FANCC: variants seen among roughly 807,000 people sequenced by gnomAD.
FANCC encodes the protein Fanconi anemia group C protein.
A neutral mutation model predicts 71.3 loss-of-function variants in FANCC; 55 were observed. The observed-to-expected ratio is 0.77, with a 90% confidence interval of 0.62 to 0.97. The LOEUF (loss-of-function observed/expected upper bound fraction) is 0.97, where lower values mean the gene tolerates loss of function less well. FANCC is among the 50% of genes least tolerant of loss of function. The pLI, the probability that FANCC is intolerant of heterozygous loss-of-function variation, is 0.00. For synonymous variants in FANCC, 275 were observed against 244.9 expected (o/e 1.12, Z -1.15); for missense variants, 678 against 670.9 (o/e 1.01, Z -0.12).
At chr9:95,310,369 G>GAA (rs1037310066) in intron 1 of FANCC, among the ~76,000 whole-genome samples, 1 of 126,596 alleles carries the variant, frequency 7.9e-6, no homozygotes, top group African/African-American at 2.9e-5. Flanking sequence ...TTTCAAAAGA[G>GAA]AAAAAAAAAA....
intron 4 of FANCC, among the ~76,000 whole-genome samples, chr9:95,194,734 G>T (rs370081373): frequency 5.2e-4 from 79 of 151,956 alleles, no homozygotes; most frequent in Non-Finnish European, 8.5e-4. Flanking sequence ...GAGATTTCTT[G>T]ATTATCTAGA....
intron 10 of FANCC, among the ~76,000 whole-genome samples, chr9:95,124,174 G>A (rs4647519): frequency 0.042 from 6,313 of 151,486 alleles, 199 homozygotes; most frequent in Non-Finnish European, 0.054. Flanking sequence ...TGACGTTGGC[G>A]GGGGGTGTGA....
At chr9:95,176,462 A>C (rs1032004858) in intron 4 of FANCC, among the ~76,000 whole-genome samples, 9 of 152,216 alleles carry the variant, frequency 5.9e-5, no homozygotes, top group Admixed American at 2.0e-4. Context: ...GGCCATCAGG[A>C]CTTCAGTATG....
In FANCC at chr9:95,114,688, G is replaced by A. The variant is rs1057521687; in HGVS notation, c.1095C>T (p.Leu365=). The A allele has an allele frequency of 6.2e-7, 1 of 1,614,150 alleles. No homozygotes were observed. Among genetic ancestry groups the A allele is most frequent in the Non-Finnish European group, 8.5e-7 (1 of 1,179,966 alleles). ...GTTCAGAAATATGCTTCAGTGTCTG[G>A]AGCCAGTGTCCCCGAGGGATATCTG... The part of the protein sequence containing the change: ...DPQDIPRGHW[L]QTLKHISELL... Residue 365 remains leucine (L), a synonymous_variant, in exon 12 of 15, where the codon CTC becomes CTT. Transcript: ENST00000289081.
intron 6 of FANCC, among the ~76,000 whole-genome samples, chr9:95,168,319 T>C (rs1450626239): frequency 6.6e-6 from 1 of 152,190 alleles, no homozygotes; most frequent in Non-Finnish European, 1.5e-5. Context: ...CCCAATTCTG[T>C]TGAGCTATGC....
chr9:95,112,016 C>T (rs1028298837), intron 12 of FANCC, among the ~76,000 whole-genome samples: 29 of 152,162 alleles, frequency 1.9e-4, no homozygotes, highest in Admixed American at 9.8e-4. Flanking sequence ...GAGGGTAGGA[C>T]GCAGGCAGAA....
At chr9:95,225,640 T>C (rs1204793033) in intron 4 of FANCC, among the ~76,000 whole-genome samples, 1 of 152,212 alleles carries the variant, frequency 6.6e-6, no homozygotes, top group Non-Finnish European at 1.5e-5. Flanking sequence ...CTGTTCCTAA[T>C]TGGCAATAGA....
At chr9:95,209,366 T>C (rs1185314012) in intron 4 of FANCC, among the ~76,000 whole-genome samples, 1 of 152,156 alleles carries the variant, frequency 6.6e-6, no homozygotes. Flanking sequence ...AGCCCTAATG[T>C]CAACTACAGA....
intron 1 of FANCC, among the ~76,000 whole-genome samples, chr9:95,313,709 A>C (rs1010469959): frequency 9.2e-5 from 14 of 152,310 alleles, no homozygotes; most frequent in Middle Eastern, 3.4e-3. Context: ...CAAAAATCCT[A>C]AACAAAATAT....
In FANCC at chr9:95,307,113, G is replaced by A. The variant is rs572801781; in HGVS notation, c.-79+10413C>T. The stretch of plus-strand genomic sequence containing the variant: ...TTGCCCAGGCTCGTCCTGAACTTAC[G>A]GGCTCAAGTGATCTGCCCACCTCTG... On this transcript the variant is annotated intron_variant, in intron 1 of 14. Transcript: ENST00000289081. 4.6e-5 allele frequency among the ~76,000 whole-genome samples: 7 copies of A among 152,144 alleles called. No individual in the cohort carries two copies. The East Asian group carries it at 1.2e-3, about 25-fold the overall frequency.
intron 1 of FANCC, chr9:95,293,904 TTCA>T: frequency 6.3e-7 from 1 of 1,597,680 alleles, no homozygotes; most frequent in Non-Finnish European, 8.6e-7. Flanking sequence ...TGAGTGTTCA[TTCA>T]TCATATAATG....
chr9:95,117,274 A>G lies in FANCC; in HGVS notation c.1072+41T>C, dbSNP rs776326339. ...GTCATAATTTGACAATGCTCTTCCC[A>G]GGAAATCATTCTGATGTGGGCAAAG... On this transcript the variant is annotated intron_variant, in intron 11 of 14. Transcript: ENST00000289081. The G allele has an allele frequency of 3.2e-6, 5 of 1,574,982 alleles. No homozygotes were observed. The East Asian group carries it at 1.1e-4, about 35-fold the overall frequency.
intron 8 of FANCC, among the ~76,000 whole-genome samples, chr9:95,131,914 C>T (rs1191796355): frequency 2.0e-5 from 3 of 152,128 alleles, no homozygotes; most frequent in South Asian, 2.1e-4. Flanking sequence ...AAAAACACAA[C>T]CTATCCCATA....
chr9:95,295,229 AAAT>A (rs1179469922), intron 1 of FANCC, among the ~76,000 whole-genome samples: 25 of 152,342 alleles, frequency 1.6e-4, no homozygotes, highest in African/African-American at 5.5e-4. Flanking sequence ...ACAGCAAAGA[AAAT>A]AACAGCGTGA....
intron 1 of FANCC, among the ~76,000 whole-genome samples, chr9:95,315,758 T>C (rs916167425): frequency 3.3e-5 from 5 of 152,230 alleles, no homozygotes; most frequent in African/African-American, 1.2e-4. Flanking sequence ...CTACCACTCA[T>C]GTGAGTTTCC....
intron 6 of FANCC, among the ~76,000 whole-genome samples, chr9:95,154,930 G>C (rs947117529): frequency 2.0e-5 from 3 of 151,906 alleles, no homozygotes; most frequent in African/African-American, 4.8e-5. Context: ...TTCATGCTAG[G>C]TGTGGTAGCT....
intron 13 of FANCC, among the ~76,000 whole-genome samples, chr9:95,107,841 C>G (rs908988552): frequency 6.6e-6 from 1 of 152,140 alleles, no homozygotes; most frequent in Non-Finnish European, 1.5e-5. Context: ...TCTGTTCATA[C>G]GTGTTTAATG....
intron 1 of FANCC, among the ~76,000 whole-genome samples, chr9:95,271,999 C>T (rs1470904014): frequency 7.7e-6 from 1 of 129,368 alleles, no homozygotes; most frequent in Non-Finnish European, 1.6e-5. Flanking sequence ...TGCAGTGGCG[C>T]GATCCTGGCT....
At position 95,114,724 on chromosome 9, in the gene FANCC, G is replaced by C; in HGVS notation, c.1073-14C>G. The C allele has an allele frequency of 6.2e-7, 1 of 1,612,220 alleles. No individual in the cohort carries two copies. The highest frequency in any genetic ancestry group is 1.1e-5 in the South Asian group (1 of 91,056). On this transcript the variant is annotated splice_polypyrimidine_tract_variant and intron_variant, in intron 11 of 14. Transcript: ENST00000289081. ...CCCGAGGGATATCTGCGGGTGGAGA[G>C]AGATACGTCAGAGGGCAACTGAGGA...
Sources: allele counts gnomAD v4.1 joint callset (sites outside exome capture counted in the v4.1 genomes callset), GRCh38; gene constraint gnomAD v4.1.1; transcripts MANE v1.5; gene names NCBI Gene and HGNC (gene_info 2026-07-23, HGNC 2026-07-21).